EXOC6B: variants seen among roughly 807,000 people sequenced by gnomAD.
EXOC6B encodes the protein SEC15 homolog B.
EXOC6B carries 54 observed loss-of-function variants against 113.5 expected under a neutral mutation model. That is an observed-to-expected ratio of 0.48 (90% CI 0.38 to 0.60). The LOEUF (loss-of-function observed/expected upper bound fraction) is 0.60, where lower values mean the gene tolerates loss of function less well. Among genes scored for constraint, EXOC6B ranks in the 20% least tolerant of loss-of-function variants. The pLI, the probability that EXOC6B is intolerant of heterozygous loss-of-function variation, is 0.00. For missense variants in EXOC6B, 797 were observed against 977.5 expected (o/e 0.82, Z 2.46); for synonymous variants, 357 against 339.0 (o/e 1.05, Z -0.58).
intron 19 of EXOC6B, among the ~76,000 whole-genome samples, chr2:72,368,552 A>T (rs1232014123): frequency 1.3e-5 from 2 of 152,202 alleles, no homozygotes; most frequent in African/African-American, 4.8e-5. Context: ...CCTGGCAGAG[A>T]CACAACAAAA....
chr2:72,633,744 G>T (rs147748410), intron 6 of EXOC6B, among the ~76,000 whole-genome samples: 12 of 152,322 alleles, frequency 7.9e-5, no homozygotes, highest in African/African-American at 2.9e-4. Flanking sequence ...AACTGCTGAA[G>T]TGTCTAAGAC....
At chr2:72,273,351 T>C (rs1187087177) in intron 20 of EXOC6B, among the ~76,000 whole-genome samples, 2 of 152,294 alleles carry the variant, frequency 1.3e-5, no homozygotes, top group East Asian at 3.9e-4. Flanking sequence ...TGAACAGTTG[T>C]TGTGTGCCAG....
chr2:72,490,979 A>C (rs1699709809), intron 16 of EXOC6B, among the ~76,000 whole-genome samples: 1 of 152,186 alleles, frequency 6.6e-6, no homozygotes, highest in African/African-American at 2.4e-5. Context: ...GAAGAGTTAT[A>C]ATGAAGAGAT....
intron 17 of EXOC6B, among the ~76,000 whole-genome samples, chr2:72,480,316 C>T (rs928874866): frequency 6.6e-6 from 1 of 152,128 alleles, no homozygotes; most frequent in Non-Finnish European, 1.5e-5. Flanking sequence ...TACTTAAGAA[C>T]TGTTGACTGT....
intron 18 of EXOC6B, among the ~76,000 whole-genome samples, chr2:72,400,137 T>C (rs998635026): frequency 6.6e-6 from 1 of 152,110 alleles, no homozygotes; most frequent in Non-Finnish European, 1.5e-5. Flanking sequence ...CACATATCTA[T>C]AACCAACTGA....
At chr2:72,512,367 A>AAAGAAGGAAGGAAGGAAG (rs1558748450) in intron 11 of EXOC6B, among the ~76,000 whole-genome samples, 1 of 13,628 alleles carries the variant, frequency 7.3e-5, no homozygotes, top group African/African-American at 1.8e-4. Context: ...AAGGAAGGAA[A>AAAGAAGGAAGGAAGGAAG]GAAGGAAGGA....
chr2:72,333,839 C>T (rs979240906), intron 20 of EXOC6B, among the ~76,000 whole-genome samples: 5 of 152,058 alleles, frequency 3.3e-5, no homozygotes, highest in Non-Finnish European at 7.4e-5. Flanking sequence ...CAGATTACAC[C>T]ACCCATCTAC....
At chr2:72,822,707 A>G (rs1232432767) in intron 1 of EXOC6B, among the ~76,000 whole-genome samples, 1 of 152,038 alleles carries the variant, frequency 6.6e-6, no homozygotes, top group Admixed American at 6.6e-5. Context: ...ATCTGCTCTC[A>G]ATTTACTTTC....
chr2:72,733,050 C>G (rs747445478), intron 3 of EXOC6B, 21 bp downstream of exon 3: 1 of 1,551,298 alleles, frequency 6.4e-7, no homozygotes, highest in East Asian at 2.3e-5. Flanking sequence ...AAGATTTCTT[C>G]AAAAGGTAAA....
chr2:72,358,817 C>G (rs1207649931), intron 19 of EXOC6B, among the ~76,000 whole-genome samples: 1 of 152,092 alleles, frequency 6.6e-6, no homozygotes, highest in South Asian at 2.1e-4. Flanking sequence ...GAGAATATTC[C>G]TTAAGATTAC....
At chr2:72,422,159 C>A (rs1054360733) in intron 18 of EXOC6B, among the ~76,000 whole-genome samples, 11 of 152,236 alleles carry the variant, frequency 7.2e-5, no homozygotes, top group Non-Finnish European at 1.5e-4. Context: ...GAGCACCACC[C>A]CCTGCTCCAG....
chr2:72,650,675 A>C (rs1674100169), intron 6 of EXOC6B, among the ~76,000 whole-genome samples: 1 of 152,046 alleles, frequency 6.6e-6, no homozygotes, highest in Non-Finnish European at 1.5e-5. Flanking sequence ...AGACATAGAA[A>C]TATATTTACT....
chr2:72,527,004 A>T lies in EXOC6B; in HGVS notation c.916-11878T>A, dbSNP rs971365368. 2.0e-5 allele frequency among the ~76,000 whole-genome samples: 3 copies of T among 151,970 alleles called. No homozygotes were observed. In the East Asian group the frequency reaches 5.8e-4, roughly 29 times the overall value. On this transcript the variant is annotated intron_variant, in intron 8 of 21. Transcript: ENST00000272427. ...ACTGATATTGATAAAATCAAGACGCACATTTCCAGACTACAAGGATCCTCA... is the reference window on the plus strand; with the variant it reads ...ACTGATATTGATAAAATCAAGACGCTCATTTCCAGACTACAAGGATCCTCA...
chr2:72,754,160 T>C (rs888414208), intron 1 of EXOC6B, among the ~76,000 whole-genome samples: 20 of 152,062 alleles, frequency 1.3e-4, no homozygotes, highest in African/African-American at 3.6e-4. Context: ...ATACTGGGAT[T>C]ACAGGTGAGA....
intron 6 of EXOC6B, among the ~76,000 whole-genome samples, chr2:72,645,175 G>A (rs1255377761): frequency 2.0e-5 from 3 of 152,068 alleles, no homozygotes; most frequent in African/African-American, 7.2e-5. Flanking sequence ...AACCAACAAA[G>A]ATCAAAAGAG....
chr2:72,329,549 T>G (rs1688318360), intron 20 of EXOC6B, among the ~76,000 whole-genome samples: 1 of 152,094 alleles, frequency 6.6e-6, no homozygotes, highest in Admixed American at 6.6e-5. Flanking sequence ...TACAAATAAT[T>G]ATTAAAGTTA....
chr2:72,583,030 A>C (rs1193549140), intron 6 of EXOC6B, among the ~76,000 whole-genome samples: 1 of 152,228 alleles, frequency 6.6e-6, no homozygotes, highest in Non-Finnish European at 1.5e-5. Flanking sequence ...TCTGGAATTG[A>C]CAAACTCACT....
chr2:72,659,621 G>C (rs1573573306), intron 6 of EXOC6B, among the ~76,000 whole-genome samples: 1 of 152,184 alleles, frequency 6.6e-6, no homozygotes, highest in East Asian at 1.9e-4. Flanking sequence ...CACTATTGCA[G>C]TGACCACAGT....
At chr2:72,298,627 T>C (rs1373329385) in intron 20 of EXOC6B, among the ~76,000 whole-genome samples, 1 of 152,198 alleles carries the variant, frequency 6.6e-6, no homozygotes, top group East Asian at 1.9e-4. Flanking sequence ...CTGGTACCAG[T>C]TGTTCCTTTC....
Sources: gnomAD v4.1 joint callset for allele counts (sites outside exome capture counted in the v4.1 genomes callset) on GRCh38, gnomAD v4.1.1 for gene constraint, MANE v1.5 for transcripts, NCBI Gene and HGNC (gene_info 2026-07-23, HGNC 2026-07-21) for gene names.